EPM2A: variants seen among roughly 807,000 people sequenced by gnomAD.
The protein encoded by EPM2A is EPM2A glucan phosphatase, laforin, also known as laforin.
A neutral mutation model predicts 26.5 loss-of-function variants in EPM2A; 21 were observed. The ratio of observed to expected loss-of-function variants is 0.79; its 90% CI spans 0.56 to 1.14. The LOEUF (loss-of-function observed/expected upper bound fraction) is 1.14, where lower values mean the gene tolerates loss of function less well. Ranked by LOEUF, EPM2A falls within the 50% of genes most tolerant of loss-of-function variation. The pLI, the probability that EPM2A is intolerant of heterozygous loss-of-function variation, is 0.00. For synonymous variants in EPM2A, 217 were observed against 177.6 expected (o/e 1.22, Z -1.76); for missense variants, 458 against 440.8 (o/e 1.04, Z -0.35).
At chr6:145,617,818 G>T (rs550381051) in intron 2 of EPM2A, among the ~76,000 whole-genome samples, 4 of 152,172 alleles carry the variant, frequency 2.6e-5, no homozygotes, top group Non-Finnish European at 5.9e-5. Flanking sequence ...GGCAAACACC[G>T]GTAGTCCCAG....
intron 2 of EPM2A, among the ~76,000 whole-genome samples, chr6:145,567,809 C>A (rs1425436723): frequency 6.6e-6 from 1 of 152,166 alleles, no homozygotes; most frequent in Non-Finnish European, 1.5e-5. Flanking sequence ...GCAGAGAGAG[C>A]CCAGCCATCA....
chr6:145,688,071 T>C (rs1332497112), intron 1 of EPM2A, among the ~76,000 whole-genome samples: 1 of 152,172 alleles, frequency 6.6e-6, no homozygotes, highest in Non-Finnish European at 1.5e-5. Flanking sequence ...TCTACAGATA[T>C]TTATTGAGAC....
rs1021099753 is a variant in EPM2A, at chr6:145,626,993, G to A, written c.*423C>T. The A allele has an allele frequency of 8.3e-6, 9 of 1,080,110 alleles. No homozygotes were observed. Among genetic ancestry groups the A allele is most frequent in the South Asian group, 2.9e-5 (1 of 34,478 alleles). The allele number at this position is 1,080,110 out of a possible 1,614,324, so 66.9% of individuals were successfully genotyped here. Reference sequence around the variant, plus strand: ...CTCCTTTGGCAACTGACCAGCTCACGCACACATACTAGTGATGAAATCCAC... The same window carrying A: ...CTCCTTTGGCAACTGACCAGCTCACACACACATACTAGTGATGAAATCCAC... On this transcript the variant is annotated 3_prime_UTR_variant, in exon 4 of 4. Transcript: ENST00000367519.
At chr6:145,635,189 G>T in intron 3 of EPM2A, 56 bp downstream of exon 3, 1 of 1,604,142 alleles carries the variant, frequency 6.2e-7, no homozygotes, top group Non-Finnish European at 8.5e-7. Flanking sequence ...TAGACAGACA[G>T]ACAGCAAGGG....
chr6:145,582,753 A>G (rs563965511), intron 2 of EPM2A, among the ~76,000 whole-genome samples: 1 of 152,314 alleles, frequency 6.6e-6, no homozygotes, highest in Non-Finnish European at 1.5e-5. Flanking sequence ...ATATTTTCCA[A>G]GTTGCTTGTT....
At chr6:145,662,566 TG>T (rs1286225645) in intron 2 of EPM2A, among the ~76,000 whole-genome samples, 3 of 152,194 alleles carry the variant, frequency 2.0e-5, no homozygotes, top group Non-Finnish European at 4.4e-5. Flanking sequence ...GGAGAGAGAC[TG>T]GGTCACCTCC....
chr6:145,588,580 CT>C (rs1781229100), intron 2 of EPM2A, among the ~76,000 whole-genome samples: 1 of 152,090 alleles, frequency 6.6e-6, no homozygotes, highest in African/African-American at 2.4e-5. Flanking sequence ...ACTCATTGTT[CT>C]ATGTTGTTTT....
chr6:145,700,874 T>C (rs1470042209), intron 1 of EPM2A, among the ~76,000 whole-genome samples: 1 of 152,212 alleles, frequency 6.6e-6, no homozygotes, highest in Non-Finnish European at 1.5e-5. Flanking sequence ...GCTGATCTAG[T>C]TCTGCTGCAA....
At chr6:145,725,695 T>G (rs1776169756) in intron 1 of EPM2A, among the ~76,000 whole-genome samples, 1 of 152,052 alleles carries the variant, frequency 6.6e-6, no homozygotes, top group Non-Finnish European at 1.5e-5. Flanking sequence ...ATTCTAATTA[T>G]TTGACATTGT....
Position 145,562,092 on chromosome 6 carries a change from T to G in EPM2A, c.341-59517A>C, listed in dbSNP as rs187400267. Reference sequence around the variant, plus strand: ...AAATATACATTTTTGAAGAAAAAAATGCAAAAAAAACTAGCTTTCTTTTGA... The same window carrying G: ...AAATATACATTTTTGAAGAAAAAAAGGCAAAAAAAACTAGCTTTCTTTTGA... On this transcript the variant is annotated intron_variant, in intron 2 of 3. Coordinates refer to the EPM2A transcript ENST00000450221. 3.0e-5 allele frequency among the ~76,000 whole-genome samples: 3 copies of G among 100,194 alleles called. No homozygotes were observed. In the East Asian group the frequency reaches 7.8e-4, roughly 26 times the overall value. 65.7% of individuals were successfully genotyped at this position (100,194 alleles called of 152,430 possible).
chr6:145,568,608 C>CCACT (rs1374875609), intron 2 of EPM2A, among the ~76,000 whole-genome samples: 1 of 152,162 alleles, frequency 6.6e-6, no homozygotes, highest in Non-Finnish European at 1.5e-5. Flanking sequence ...CAGGCATGAG[C>CCACT]CACTGCGCCC....
In EPM2A at chr6:145,610,080, T is replaced by C. The variant is rs1049729599; in HGVS notation, c.340+25165A>G. 2.6e-5 allele frequency among the ~76,000 whole-genome samples: 4 copies of C among 152,098 alleles called. 1 individual carries two copies. Among genetic ancestry groups the C allele is most frequent in the Admixed American group, 6.5e-5 (1 of 15,274 alleles). On this transcript the variant is annotated intron_variant, in intron 2 of 3. Coordinates refer to the EPM2A transcript ENST00000450221. ...AAATACAAAAATTAGCGGGGCCTGGTGGCACGCGCCTGTAATCCCAGCTAC... is the reference window on the plus strand; with the variant it reads ...AAATACAAAAATTAGCGGGGCCTGGCGGCACGCGCCTGTAATCCCAGCTAC...
chr6:145,442,000 C>A (rs1779069254), intron 4 of EPM2A, among the ~76,000 whole-genome samples: 1 of 152,190 alleles, frequency 6.6e-6, no homozygotes, highest in Admixed American at 6.5e-5. Flanking sequence ...TAAAGTTCCA[C>A]AAATCTCTAG....
At chr6:145,401,676 A>C (rs561160331) in intron 4 of EPM2A, among the ~76,000 whole-genome samples, 2 of 152,134 alleles carry the variant, frequency 1.3e-5, no homozygotes, top group Non-Finnish European at 2.9e-5. Context: ...ACTTGATTGC[A>C]TCCCAAGTAT....
rs9497377 is a variant in EPM2A at position 145,630,158 on chromosome 6, A to G, written c.719-2465T>C. The G allele has an allele frequency of 5.2e-3, 793 of 152,342 alleles. 4 individuals are homozygous for G. The highest frequency in any genetic ancestry group is 0.018 in the African/African-American group (759 of 41,558). 9.4% of individuals were successfully genotyped at this position (152,342 alleles called of 1,614,324 possible). On this transcript the variant is annotated intron_variant, in intron 3 of 3. Coordinates refer to ENST00000367519, the MANE Select transcript of EPM2A (RefSeq NM_005670.4). ...CTGTGATCTCAGGCACACACTCCTGAAAGGTACATGTCAGCTAACATGCAG... is the reference window on the plus strand; with the variant it reads ...CTGTGATCTCAGGCACACACTCCTGGAAGGTACATGTCAGCTAACATGCAG...
intron 1 of EPM2A, among the ~76,000 whole-genome samples, chr6:145,709,323 T>C (rs1183762867): frequency 6.6e-6 from 1 of 152,156 alleles, no homozygotes; most frequent in Non-Finnish European, 1.5e-5. Flanking sequence ...TTATCTTGAA[T>C]TGTAGCTCCC....
At chr6:145,592,741 G>A (rs1450429463) in intron 2 of EPM2A, among the ~76,000 whole-genome samples, 3 of 151,988 alleles carry the variant, frequency 2.0e-5, no homozygotes, top group Non-Finnish European at 2.9e-5. Flanking sequence ...GTGATGATGG[G>A]CAAGAAATGC....
chr6:145,554,727 C>T lies in EPM2A; in HGVS notation c.341-52152G>A, dbSNP rs536603309. On this transcript the variant is annotated intron_variant, in intron 2 of 3. Coordinates refer to the EPM2A transcript ENST00000450221. ...TCATATAGCCACCAGTCTCATCATGCGGGCCTATCTGATCTTATCTAATCC... is the reference window on the plus strand; with the variant it reads ...TCATATAGCCACCAGTCTCATCATGTGGGCCTATCTGATCTTATCTAATCC... 7.2e-5 allele frequency among the ~76,000 whole-genome samples: 11 copies of T among 152,134 alleles called. No individual in the cohort carries two copies. In the South Asian group the frequency reaches 1.0e-3, roughly 14 times the overall value.
intron 2 of EPM2A, among the ~76,000 whole-genome samples, chr6:145,552,808 T>A (rs1456420099): frequency 6.6e-6 from 1 of 152,082 alleles, no homozygotes; most frequent in East Asian, 1.9e-4. Context: ...GACAACTGAT[T>A]TTTCTAGTCC....
Sources: allele counts gnomAD v4.1 joint callset (sites outside exome capture counted in the v4.1 genomes callset), GRCh38; gene constraint gnomAD v4.1.1; transcripts MANE v1.5; gene names NCBI Gene and HGNC (gene_info 2026-07-23, HGNC 2026-07-21).